Variants in MEIS2 observed in about 807,000 individuals in gnomAD.
MEIS2 encodes Meis homeobox 2.
In MEIS2, 9 loss-of-function variants were observed where a neutral mutation model predicts 58.6. That is an observed-to-expected ratio of 0.15 (90% CI 0.09 to 0.27). MEIS2 has a LOEUF of 0.27. Ranked by LOEUF, MEIS2 falls within the 10% of genes least tolerant of loss-of-function variation. The pLI, the probability that MEIS2 is intolerant of heterozygous loss-of-function variation, is 1.00. For synonymous variants in MEIS2, 221 were observed against 228.4 expected, an observed-to-expected ratio of 0.97 and a Z score of 0.29; for missense variants, 427 against 635.0, an observed-to-expected ratio of 0.67 and a Z score of 3.52.
At chr15:37,000,378 T>A (rs2060677928) in intron 8 of MEIS2, among the ~76,000 whole-genome samples, 2 of 152,096 alleles carry the variant, frequency 1.3e-5, no homozygotes, top group South Asian at 4.1e-4. Flanking sequence ...TTACCACCAT[T>A]ACCCAAGCTT....
upstream of MEIS2, chr15:37,101,020 G>T (rs1274122728): frequency 6.6e-6 from 1 of 151,988 alleles, no homozygotes; most frequent in Non-Finnish European, 1.5e-5. Flanking sequence ...GCCGATTACA[G>T]CACCCCGAAG....
At chr15:37,067,534 A>C (rs1410676458) in intron 7 of MEIS2, among the ~76,000 whole-genome samples, 1 of 151,856 alleles carries the variant, frequency 6.6e-6, no homozygotes, top group African/African-American at 2.4e-5. Flanking sequence ...GCCCACATTC[A>C]GACTCTGGTC....
In MEIS2 at chr15:37,098,058, C is replaced by G. The variant is rs918913476; in HGVS notation, c.154G>C (p.Gly52Arg). Residue 52 changes from glycine (G) to arginine (R), a missense_variant, in exon 2 of 12, where the codon GGC becomes CGC. Physicochemically the swap from Gly to Arg is moderately radical, Grantham distance 125. Around this residue, in one of 6 missense-constraint regions of MEIS2, gnomAD observed 103 missense variants for 111.8 expected, o/e 0.92. Coordinates refer to ENST00000561208, the MANE Select transcript of MEIS2 (RefSeq NM_170675.5). ...ACATTGGGGTGCGGGGCGTGCGCGCCGTAGTGCTGTGTGGCGTGGAGCGGC... is the reference window on the plus strand; with the variant it reads ...ACATTGGGGTGCGGGGCGTGCGCGCGGTAGTGCTGTGTGGCGTGGAGCGGC... ...GPPLHATQHYGAHAPHPNVMP... is the reference protein window; with the variant it reads ...GPPLHATQHYRAHAPHPNVMP... The G allele has an allele frequency of 1.9e-6, 3 of 1,613,588 alleles. No individual in the cohort carries two copies. Among genetic ancestry groups the G allele is most frequent in the Non-Finnish European group, 8.5e-7 (1 of 1,179,864 alleles).
chr15:37,078,605 C>CAAAAAAAAAAAAA (rs540405090), intron 7 of MEIS2, among the ~76,000 whole-genome samples: 4 of 69,392 alleles, frequency 5.8e-5, no homozygotes, highest in African/African-American at 5.9e-5. Context: ...AAAAAACAAC[C>CAAAAAAAAAAAAA]AAAAAAAAAA....
intron 8 of MEIS2, among the ~76,000 whole-genome samples, chr15:36,957,213 G>C (rs947114016): frequency 2.6e-5 from 4 of 152,156 alleles, no homozygotes; most frequent in Non-Finnish European, 5.9e-5. Context: ...TGACCATAGA[G>C]AGTAAATTTT....
chr15:37,056,914 T>G (rs955361155), intron 7 of MEIS2, among the ~76,000 whole-genome samples: 1 of 152,188 alleles, frequency 6.6e-6, no homozygotes, highest in East Asian at 1.9e-4. Context: ...GACAATGATT[T>G]CCGCCTTAAC....
At chr15:36,915,570 A>G (rs1348992928) in intron 9 of MEIS2, among the ~76,000 whole-genome samples, 1 of 152,164 alleles carries the variant, frequency 6.6e-6, no homozygotes, top group African/African-American at 2.4e-5. Context: ...TGCCCTGCCC[A>G]CCTATATGCT....
At chr15:36,947,397 A>G (rs754491114) in intron 9 of MEIS2, among the ~76,000 whole-genome samples, 49 of 152,070 alleles carry the variant, frequency 3.2e-4, no homozygotes, top group Non-Finnish European at 7.4e-5. Flanking sequence ...TTTCTTCTAA[A>G]GTTCATCATT....
At chr15:37,086,634 A>C (rs1316572859) in intron 6 of MEIS2, among the ~76,000 whole-genome samples, 4 of 152,154 alleles carry the variant, frequency 2.6e-5, no homozygotes, top group African/African-American at 9.7e-5. Flanking sequence ...TATTTCCCAT[A>C]GAGTGTCTCA....
chr15:37,023,954 C>T lies in MEIS2; in HGVS notation c.900+12860G>A, dbSNP rs144444362. Among the ~76,000 whole-genome samples the T allele has an allele frequency of 1.0e-3, 140 of 138,918 alleles. 1 individual carries two copies. Among genetic ancestry groups the T allele is most frequent in the African/African-American group, 3.5e-3 (129 of 36,620 alleles). The allele number at this position is 138,918 out of a possible 152,430, so 91.1% of individuals were successfully genotyped here. ...TTTTTGATGGAGTTTTGTTTTGTTG[C>T]CCAGGCTGGAGTGCAGTGGCACTCA... On this transcript the variant is annotated intron_variant, in intron 8 of 11. Coordinates refer to ENST00000561208, the MANE Select transcript of MEIS2 (RefSeq NM_170675.5).
intron 9 of MEIS2, among the ~76,000 whole-genome samples, chr15:36,928,194 G>C (rs970476304): frequency 9.2e-5 from 14 of 152,264 alleles, no homozygotes; most frequent in African/African-American, 3.4e-4. Context: ...TGAAATTCCT[G>C]AAATTCACTT....
intron 8 of MEIS2, among the ~76,000 whole-genome samples, chr15:36,997,132 C>A (rs1287184991): frequency 6.6e-6 from 1 of 152,172 alleles, no homozygotes; most frequent in Non-Finnish European, 1.5e-5. Context: ...GAGCATGTTG[C>A]TCTCTTTACA....
chr15:36,924,542 C>A (rs988644144), intron 9 of MEIS2, among the ~76,000 whole-genome samples: 1 of 152,186 alleles, frequency 6.6e-6, no homozygotes, highest in African/African-American at 2.4e-5. Context: ...AGGCAGCCAA[C>A]CTGAATTATA....
intron 6 of MEIS2, among the ~76,000 whole-genome samples, chr15:37,086,751 G>A (rs1892940596): frequency 6.6e-6 from 1 of 152,180 alleles, no homozygotes; most frequent in South Asian, 2.1e-4. Flanking sequence ...GGGGTTTCAA[G>A]GCTGAGGAGT....
At chr15:36,921,616 C>G (rs1160646026) in intron 9 of MEIS2, among the ~76,000 whole-genome samples, 1 of 152,108 alleles carries the variant, frequency 6.6e-6, no homozygotes, top group African/African-American at 2.4e-5. Flanking sequence ...AGTGTGCCCC[C>G]ACCTTTTGTG....
chr15:37,031,345 G>A (rs1256266876), intron 8 of MEIS2, among the ~76,000 whole-genome samples: 1 of 151,912 alleles, frequency 6.6e-6, no homozygotes, highest in East Asian at 1.9e-4. Flanking sequence ...AAGATAACTA[G>A]TCAAAGGGCA....
rs980354284 is a variant in MEIS2, at chr15:36,891,288, GAA to G, written c.*883_*884del. On this transcript the variant is annotated 3_prime_UTR_variant, in exon 12 of 12. Transcript: ENST00000561208. ...GGTAAACACATAGAATATCTAACAT[GAA>G]ACAATTAATAGACCGAACTCTGTAC... 6.6e-6 allele frequency: 1 copy of G among 152,224 alleles called. No homozygotes were observed. Among genetic ancestry groups the G allele is most frequent in the African/African-American group, 2.4e-5 (1 of 41,314 alleles). The allele number at this position is 152,224 out of a possible 1,614,324, so 9.4% of individuals were successfully genotyped here. A position where few individuals can be genotyped will look rare whatever the true frequency, so the allele number is the denominator to read the frequency against.
chr15:36,989,144 T>C (rs1267812415), intron 8 of MEIS2, among the ~76,000 whole-genome samples: 2 of 152,228 alleles, frequency 1.3e-5, no homozygotes, highest in Non-Finnish European at 1.5e-5. Context: ...TGCTGACTCA[T>C]TAACCATCAG....
At chr15:37,074,109 A>G (rs1251457541) in intron 7 of MEIS2, among the ~76,000 whole-genome samples, 1 of 152,042 alleles carries the variant, frequency 6.6e-6, no homozygotes, top group Non-Finnish European at 1.5e-5. Context: ...CTTGTGAAGT[A>G]TAGAAAATTC....
Sources: allele counts gnomAD v4.1 joint callset (sites outside exome capture counted in the v4.1 genomes callset), GRCh38; gene constraint gnomAD v4.1.1; regional missense constraint gnomAD v4.1.1; transcripts MANE v1.5; gene names NCBI Gene and HGNC (gene_info 2026-07-23, HGNC 2026-07-21).